The following CPQ variants were observed in gnomAD, a reference collection of about 807,000 sequenced individuals.
CPQ encodes the protein carboxypeptidase Q, also known as Ser-Met dipeptidase.
A neutral mutation model predicts 45.7 loss-of-function variants in CPQ; 37 were observed. That is an observed-to-expected ratio of 0.81 (90% confidence interval 0.62 to 1.07). The LOEUF is 1.07. Ranked by LOEUF, CPQ falls within the 50% of genes least tolerant of loss-of-function variation. The pLI is 0.00. For synonymous variants in CPQ, 186 were observed against 205.8 expected (o/e 0.90, Z 0.82); for missense variants, 537 against 572.9 (o/e 0.94, Z 0.64).
chr8:96,819,865 A>G (rs1811278329), intron 2 of CPQ, among the ~76,000 whole-genome samples: 1 of 152,034 alleles, frequency 6.6e-6, no homozygotes, highest in African/African-American at 2.4e-5. Context: ...CAGTTATTTA[A>G]AGAAATGCTA....
chr8:96,890,746 C>T (rs1240815480), intron 4 of CPQ, among the ~76,000 whole-genome samples: 2 of 152,172 alleles, frequency 1.3e-5, no homozygotes, highest in South Asian at 2.1e-4. Context: ...TGTTGTGCCT[C>T]CTGGCAACAT....
intron 5 of CPQ, among the ~76,000 whole-genome samples, chr8:96,987,942 T>C (rs1250337875): frequency 6.6e-6 from 1 of 152,242 alleles, no homozygotes; most frequent in Non-Finnish European, 1.5e-5. Context: ...AGAGTCATCC[T>C]GTCACTGTGA....
chr8:96,779,005 C>T, intron 1 of CPQ, among the ~76,000 whole-genome samples: 2 of 144,760 alleles, frequency 1.4e-5, no homozygotes, highest in East Asian at 2.0e-4. Flanking sequence ...GTGGAGATTG[C>T]AGTGAGCTGA....
chr8:97,038,870 G>C (rs1429025799), intron 6 of CPQ, among the ~76,000 whole-genome samples: 2 of 144,872 alleles, frequency 1.4e-5, no homozygotes, highest in Non-Finnish European at 3.0e-5. Flanking sequence ...AGGTCAGATA[G>C]TTTACTGACG....
intron 6 of CPQ, among the ~76,000 whole-genome samples, chr8:97,044,561 T>C (rs879133615): frequency 3.9e-5 from 6 of 152,234 alleles, no homozygotes; most frequent in Admixed American, 2.0e-4. Context: ...AGAGGTGCTT[T>C]GCTTTTTAGA....
chr8:96,956,842 A>G (rs1379225637), intron 4 of CPQ, among the ~76,000 whole-genome samples: 1 of 152,222 alleles, frequency 6.6e-6, no homozygotes, highest in Admixed American at 6.5e-5. Context: ...CACAGGAGTT[A>G]TTAACTGCGA....
rs965634939 is a variant in CPQ at position 96,654,828 on chromosome 8, G to A, written c.-35+9426G>A. On this transcript the variant is annotated intron_variant, in intron 1 of 7. Coordinates refer to ENST00000220763, the MANE Select transcript of CPQ (RefSeq NM_016134.4). ...TAGCAGCTTTATAGATGACAGTCCT[G>A]ACCATAAACCTGACTGCATTTGCAT... Among the ~76,000 whole-genome samples, 5 of 152,142 alleles carry A rather than the reference G, an allele frequency of 3.3e-5. No homozygotes were observed. The East Asian group carries it at 5.8e-4, about 18-fold the overall frequency.
intron 5 of CPQ, among the ~76,000 whole-genome samples, chr8:96,976,551 A>G (rs1485258573): frequency 6.6e-6 from 1 of 152,130 alleles, no homozygotes; most frequent in Non-Finnish European, 1.5e-5. Context: ...AAGCAAGACC[A>G]AGCAAAAAGA....
intron 1 of CPQ, among the ~76,000 whole-genome samples, chr8:96,702,883 C>A (rs1277844860): frequency 1.3e-5 from 2 of 151,978 alleles, no homozygotes; most frequent in Admixed American, 6.6e-5. Context: ...AAAATGGCCC[C>A]CAAGTGTAGT....
intron 4 of CPQ, among the ~76,000 whole-genome samples, chr8:96,902,517 G>T (rs1386443097): frequency 6.6e-6 from 1 of 152,168 alleles, no homozygotes; most frequent in Non-Finnish European, 1.5e-5. Context: ...GACCAGGACT[G>T]GTTCAGAATG....
chr8:96,903,479 A>G (rs2130898726), intron 4 of CPQ, among the ~76,000 whole-genome samples: 1 of 152,114 alleles, frequency 6.6e-6, no homozygotes, highest in Middle Eastern at 3.4e-3. Context: ...GAAGGGAAGA[A>G]CTCCCTGATC....
intron 7 of CPQ, among the ~76,000 whole-genome samples, chr8:97,089,329 G>C (rs1811094129): frequency 6.6e-6 from 1 of 151,710 alleles, no homozygotes; most frequent in African/African-American, 2.4e-5. Flanking sequence ...TTGCTATTAA[G>C]AAAGTTGCAT....
chr8:96,722,834 C>T (rs372982082), intron 1 of CPQ, among the ~76,000 whole-genome samples: 5 of 152,096 alleles, frequency 3.3e-5, no homozygotes, highest in African/African-American at 1.2e-4. Context: ...CTTGATTTCC[C>T]TGGCGCAGGA....
chr8:96,819,892 C>T (rs1811278552), intron 2 of CPQ, among the ~76,000 whole-genome samples: 1 of 152,064 alleles, frequency 6.6e-6, no homozygotes, highest in African/African-American at 2.4e-5. Flanking sequence ...CTTGATTCCA[C>T]TTGTTTAAAA....
chr8:96,927,228 C>T (rs1812904626), intron 4 of CPQ, among the ~76,000 whole-genome samples: 1 of 152,112 alleles, frequency 6.6e-6, no homozygotes, highest in South Asian at 2.1e-4. Context: ...ATGAGGTAGC[C>T]CTGAGGAAGC....
chr8:97,131,659 C>G lies in CPQ; in HGVS notation c.1256-11361C>G, dbSNP rs1047351739. ...GAGGGCTGCTGCCACTTTGACATCA[C>G]CCCTAAAATTGTTGGGCACACCCTC... is the stretch of plus-strand genomic sequence containing the variant. On this transcript the variant is annotated intron_variant, in intron 7 of 7. Coordinates refer to ENST00000220763, the MANE Select transcript of CPQ (RefSeq NM_016134.4). 2.6e-5 allele frequency among the ~76,000 whole-genome samples: 4 copies of G among 152,150 alleles called. No homozygotes were observed. The East Asian group carries it at 7.7e-4, about 29-fold the overall frequency.
chr8:97,040,550 G>A (rs200952016), intron 6 of CPQ, among the ~76,000 whole-genome samples: 1 of 152,108 alleles, frequency 6.6e-6, no homozygotes, highest in African/African-American at 2.4e-5. Context: ...AGACATGAAG[G>A]CCTTGCCCAT....
intron 5 of CPQ, among the ~76,000 whole-genome samples, chr8:96,966,655 C>T (rs1813569901): frequency 1.3e-5 from 2 of 152,186 alleles, no homozygotes; most frequent in African/African-American, 4.8e-5. Flanking sequence ...GCCAGATGTC[C>T]CCTGGGGGGC....
chr8:97,013,682 G>C (rs999170198), intron 5 of CPQ, among the ~76,000 whole-genome samples: 1 of 152,176 alleles, frequency 6.6e-6, no homozygotes, highest in African/African-American at 2.4e-5. Flanking sequence ...AGAAAGTGAG[G>C]AGGCCAATTT....
Sources: gnomAD v4.1 joint callset for allele counts (sites outside exome capture counted in the v4.1 genomes callset) on GRCh38, gnomAD v4.1.1 for gene constraint, MANE v1.5 for transcripts, NCBI Gene and HGNC (gene_info 2026-07-23, HGNC 2026-07-21) for gene names.